TPST1: variants seen among roughly 807,000 people sequenced by gnomAD.
TPST1 encodes the protein tyrosylprotein sulfotransferase 1.
In TPST1, 20 loss-of-function variants were observed where a neutral mutation model predicts 34.8. That is an observed-to-expected ratio of 0.57 (90% confidence interval 0.40 to 0.84). The LOEUF (loss-of-function observed/expected upper bound fraction) is 0.84, where lower values mean the gene tolerates loss of function less well. TPST1 is among the 40% of genes least tolerant of loss of function. The pLI, the probability that TPST1 is intolerant of heterozygous loss-of-function variation, is 0.00. For missense variants in TPST1, 353 were observed against 455.5 expected, an observed-to-expected ratio of 0.78 and a Z score of 2.05; for synonymous variants, 152 against 159.4, an observed-to-expected ratio of 0.95 and a Z score of 0.35.
At chr7:66,225,195 G>A (rs1251537283) in intron 1 of TPST1, among the ~76,000 whole-genome samples, 1 of 151,608 alleles carries the variant, frequency 6.6e-6, no homozygotes, top group Admixed American at 6.6e-5. Flanking sequence ...GGGATTACAG[G>A]CATGAACCAC....
chr7:66,238,640 A>G (rs952156268), intron 1 of TPST1, among the ~76,000 whole-genome samples: 1 of 152,098 alleles, frequency 6.6e-6, no homozygotes, highest in African/African-American at 2.4e-5. Flanking sequence ...GCCTTCCTGT[A>G]TTATGGAGGG....
intron 3 of TPST1, among the ~76,000 whole-genome samples, chr7:66,349,996 C>T (rs1433489373): frequency 6.6e-6 from 1 of 152,098 alleles, no homozygotes; most frequent in Non-Finnish European, 1.5e-5. Flanking sequence ...CCCATCCAAG[C>T]TGTGGTGTCA....
upstream of TPST1, chr7:66,205,254 C>A (rs1789099452): frequency 6.6e-6 from 1 of 152,274 alleles, no homozygotes; most frequent in Non-Finnish European, 1.5e-5. The surrounding 1 kb of genome is among the most constrained non-coding windows in gnomAD (Gnocchi z 5.0). Context: ...ACACATCGTC[C>A]GCTCAGCCAA....
chr7:66,268,223 G>A (rs988714925), intron 2 of TPST1, among the ~76,000 whole-genome samples: 1 of 152,132 alleles, frequency 6.6e-6, no homozygotes, highest in Non-Finnish European at 1.5e-5. Context: ...AAAGTGCTGG[G>A]ATTACAGGTG....
At chr7:66,297,357 A>G (rs1171909064) in intron 3 of TPST1, among the ~76,000 whole-genome samples, 4 of 152,312 alleles carry the variant, frequency 2.6e-5, no homozygotes, top group African/African-American at 9.6e-5. Context: ...TTGTTCCCTG[A>G]GAGGCAGAAG....
At chr7:66,284,452 TGACA>T (rs72285965) in intron 2 of TPST1, among the ~76,000 whole-genome samples, 30,691 of 151,762 alleles carry the variant, frequency 0.2, 3,609 homozygotes, top group East Asian at 0.3. Flanking sequence ...TATTATTGAA[TGACA>T]GACAAACATC....
In TPST1 at chr7:66,221,026, G is replaced by A. The variant is rs560987028; in HGVS notation, c.-102+15504G>A. Among the ~76,000 whole-genome samples the A allele has an allele frequency of 4.6e-5, 7 of 152,054 alleles. No individual in the cohort carries two copies. In the South Asian group the frequency reaches 1.0e-3, roughly 23 times the overall value. On this transcript the variant is annotated intron_variant, in intron 1 of 5. Coordinates refer to ENST00000304842, the MANE Select transcript of TPST1 (RefSeq NM_003596.4). ...CACATGCCTGTAATCCCAGCTACTC[G>A]GGAGGCTGAGGCAGGAGAATTGCTT...
intron 2 of TPST1, among the ~76,000 whole-genome samples, chr7:66,274,656 A>G (rs1427116275): frequency 6.6e-6 from 1 of 152,182 alleles, no homozygotes; most frequent in Non-Finnish European, 1.5e-5. Context: ...GAGACAACCT[A>G]TAGAATGGGT....
intron 1 of TPST1, among the ~76,000 whole-genome samples, chr7:66,218,635 G>A (rs62465547): frequency 0.037 from 5,610 of 152,170 alleles, 164 homozygotes; most frequent in East Asian, 0.088. Context: ...CACAAGGTCA[G>A]GATATCAAGA....
chr7:66,274,179 T>C (rs1790760347), intron 2 of TPST1, among the ~76,000 whole-genome samples: 1 of 151,556 alleles, frequency 6.6e-6, no homozygotes, highest in African/African-American at 2.4e-5. Flanking sequence ...CCATCCTGGC[T>C]AACACGGTGA....
At position 66,240,494 on chromosome 7, in the gene TPST1, C is replaced by T. The variant is rs1464492111; in HGVS notation, c.69C>T (p.Tyr23=). Reference sequence around the variant, plus strand: ...TGATTAGTTCTGTGACTGTGTTTTACCTGGGCCAGCATGCCATGGAATGCC... The same window carrying T: ...TGATTAGTTCTGTGACTGTGTTTTATCTGGGCCAGCATGCCATGGAATGCC... ...CLVISSVTVF[Y]LGQHAMECHH... Residue 23 remains tyrosine (Y), a synonymous_variant, in exon 2 of 6, where the codon TAC becomes TAT. Transcript: ENST00000304842. 6 of 1,614,032 alleles carry T rather than the reference C, an allele frequency of 3.7e-6. No homozygotes were observed. In the Admixed American group the frequency reaches 8.3e-5, roughly 22 times the overall value.
At chr7:66,335,831 C>G (rs1039967519) in intron 3 of TPST1, among the ~76,000 whole-genome samples, 5 of 152,130 alleles carry the variant, frequency 3.3e-5, no homozygotes, top group African/African-American at 7.2e-5. Flanking sequence ...AGAACACCTG[C>G]AAAACCTAGA....
intron 3 of TPST1, among the ~76,000 whole-genome samples, chr7:66,300,244 T>C (rs564369626): frequency 6.6e-6 from 1 of 152,318 alleles, no homozygotes; most frequent in East Asian, 1.9e-4. Context: ...TTTGCTGTCT[T>C]TTCAACAATA....
At chr7:66,358,600 A>T (rs1792629556) in intron 5 of TPST1, among the ~76,000 whole-genome samples, 2 of 152,210 alleles carry the variant, frequency 1.3e-5, no homozygotes, top group South Asian at 4.1e-4. Flanking sequence ...CATAAGAAGC[A>T]CATGGACGCT....
intron 3 of TPST1, among the ~76,000 whole-genome samples, chr7:66,296,266 C>T (rs1407508006): frequency 4.5e-4 from 43 of 96,468 alleles, no homozygotes; most frequent in African/African-American, 1.8e-3. Context: ...CCTCCCCCAC[C>T]GTCTCTGCCT....
chr7:66,286,728 A>G lies in TPST1; in HGVS notation c.1044+19A>G, dbSNP rs1791043824. On this transcript the variant is annotated intron_variant, in intron 3 of 5. Transcript: ENST00000304842. ...TCGAAGGGTAAGTGAGATTTTTTAA[A>G]GCAACTGAGAAAACTAGATTTTGAA... The G allele has an allele frequency of 1.4e-6, 2 of 1,462,908 alleles. No homozygotes were observed. Among genetic ancestry groups the G allele is most frequent in the Non-Finnish European group, 1.8e-6 (2 of 1,099,160 alleles). The allele number at this position is 1,462,908 out of a possible 1,614,324, so 90.6% of individuals were successfully genotyped here.
chr7:66,207,930 T>G (rs1476090678), intron 1 of TPST1, among the ~76,000 whole-genome samples: 1 of 152,200 alleles, frequency 6.6e-6, no homozygotes, highest in East Asian at 1.9e-4. Context: ...ATCCTATTGT[T>G]GTTGCTACCT....
chr7:66,262,421 C>T (rs912100668), intron 2 of TPST1, among the ~76,000 whole-genome samples: 6 of 152,072 alleles, frequency 3.9e-5, no homozygotes, highest in African/African-American at 1.4e-4. Flanking sequence ...AAATCCATGC[C>T]CTCCTTCCTC....
chr7:66,251,153 G>A (rs1020914874), intron 2 of TPST1, among the ~76,000 whole-genome samples: 1 of 152,174 alleles, frequency 6.6e-6, no homozygotes, highest in African/African-American at 2.4e-5. Flanking sequence ...CCATAGGGTT[G>A]TCGTGAGGAT....
Sources: gnomAD v4.1 joint callset for allele counts (sites outside exome capture counted in the v4.1 genomes callset) on GRCh38, gnomAD v4.1.1 for gene constraint, Gnocchi (gnomAD v3.1) non-coding constraint, MANE v1.5 for transcripts, NCBI Gene and HGNC (gene_info 2026-07-23, HGNC 2026-07-21) for gene names.